MED13L: variants seen among roughly 807,000 people sequenced by gnomAD.
The protein encoded by MED13L is mediator complex subunit 13L.
MED13L carries 7 observed loss-of-function variants against 220.9 expected under a neutral mutation model. The ratio of observed to expected loss-of-function variants is 0.03; its 90% CI spans 0.02 to 0.06. MED13L has a LOEUF of 0.06. MED13L is among the 10% of genes least tolerant of loss of function. The pLI is 1.00. For missense variants in MED13L, 1,965 were observed against 2,760.5 expected, an observed-to-expected ratio of 0.71 and a Z score of 6.46; for synonymous variants, 1,011 against 1,015.2, an observed-to-expected ratio of 1.00 and a Z score of 0.08.
intron 2 of MED13L, among the ~76,000 whole-genome samples, chr12:116,149,606 A>G (rs1422825098): frequency 2.6e-5 from 4 of 152,266 alleles, no homozygotes; most frequent in African/African-American, 9.6e-5. Context: ...GAAGAGTTTT[A>G]CATTTCACCT....
chr12:116,275,520 C>T (rs1873746018), intron 1 of MED13L, among the ~76,000 whole-genome samples: 1 of 152,084 alleles, frequency 6.6e-6, no homozygotes, highest in African/African-American at 2.4e-5. Context: ...AATAAAGTAA[C>T]ACTTTCATTT....
At chr12:116,163,512 G>T (rs1879036302) in intron 2 of MED13L, among the ~76,000 whole-genome samples, 1 of 151,804 alleles carries the variant, frequency 6.6e-6, no homozygotes, top group Non-Finnish European at 1.5e-5. Context: ...TTACAGGTGT[G>T]CACCACCACA....
At chr12:116,158,303 T>C (rs1878598632) in intron 2 of MED13L, among the ~76,000 whole-genome samples, 1 of 152,186 alleles carries the variant, frequency 6.6e-6, no homozygotes, top group African/African-American at 2.4e-5. Flanking sequence ...TTTGAGGCAT[T>C]TGAAATCTAC....
At chr12:116,174,936 G>C (rs1403113653) in intron 2 of MED13L, 1 of 152,312 alleles carries the variant, frequency 6.6e-6, no homozygotes, top group Non-Finnish European at 1.5e-5. Context: ...CGGGAGCAGC[G>C]ATGCGAGCCT....
intron 5 of MED13L, among the ~76,000 whole-genome samples, chr12:116,020,261 C>A (rs754983637): frequency 6.6e-6 from 1 of 151,926 alleles, no homozygotes; most frequent in Non-Finnish European, 1.5e-5. Flanking sequence ...TTTAAAATTT[C>A]TTATTATTTA....
At chr12:116,015,395 T>C (rs1397443123) in intron 7 of MED13L, 121 bp from the exon 8 acceptor site, 1 of 1,071,036 alleles carries the variant, frequency 9.3e-7, no homozygotes, top group Non-Finnish European at 1.4e-6. Context: ...CATAGCTTTT[T>C]CCCTATCCCC....
intron 4 of MED13L, among the ~76,000 whole-genome samples, chr12:116,026,700 G>A (rs1409246164): frequency 6.6e-6 from 1 of 152,122 alleles, no homozygotes; most frequent in Non-Finnish European, 1.5e-5. Flanking sequence ...TTTTTTCTAA[G>A]ATCATGTAAA....
chr12:116,090,920 T>C (rs1023593567), intron 4 of MED13L, among the ~76,000 whole-genome samples: 1 of 151,566 alleles, frequency 6.6e-6, no homozygotes, highest in Non-Finnish European at 1.5e-5. Context: ...AGGTCAAGAG[T>C]TCGAGACTAG....
intron 2 of MED13L, among the ~76,000 whole-genome samples, chr12:116,197,069 A>G (rs539922330): frequency 8.9e-4 from 136 of 152,360 alleles, no homozygotes; most frequent in African/African-American, 3.1e-3. Flanking sequence ...CTCTCAAGAC[A>G]AAGCATACTC....
intron 2 of MED13L, among the ~76,000 whole-genome samples, chr12:116,138,927 T>C (rs1257579123): frequency 6.6e-6 from 1 of 152,194 alleles, no homozygotes; most frequent in Non-Finnish European, 1.5e-5. Context: ...AAGTGCCTAT[T>C]TGACTAGTAA....
At chr12:116,089,150 C>T (rs543616917) in intron 4 of MED13L, among the ~76,000 whole-genome samples, 1 of 152,136 alleles carries the variant, frequency 6.6e-6, no homozygotes, top group African/African-American at 2.4e-5. Flanking sequence ...AAAATATACA[C>T]TTTCCAGTTA....
intron 1 of MED13L, among the ~76,000 whole-genome samples, chr12:116,270,924 C>T (rs377542493): frequency 6.6e-6 from 1 of 151,058 alleles, no homozygotes; most frequent in South Asian, 2.1e-4. Flanking sequence ...CGCCTGTAGT[C>T]CCAGCTACTC....
chr12:116,036,163 T>A (rs1023810107), intron 4 of MED13L, among the ~76,000 whole-genome samples: 3 of 152,202 alleles, frequency 2.0e-5, no homozygotes, highest in Non-Finnish European at 2.9e-5. Flanking sequence ...GATAGATGAA[T>A]GCAGTTTCAG....
intron 4 of MED13L, among the ~76,000 whole-genome samples, chr12:116,035,488 GTATCA>G (rs1344109763): frequency 2.0e-5 from 3 of 151,968 alleles, no homozygotes; most frequent in Non-Finnish European, 4.4e-5. Flanking sequence ...CATTTATAAG[GTATCA>G]TATAACTCAC....
At chr12:116,250,025 TAAA>T (rs71095516) in intron 1 of MED13L, among the ~76,000 whole-genome samples, 8 of 40,456 alleles carry the variant, frequency 2.0e-4, no homozygotes, top group Admixed American at 3.4e-4. Flanking sequence ...CAGCATAAAC[TAAA>T]AAAAAAAAAA....
Position 116,177,548 on chromosome 12 carries a change from T to G in MED13L, c.310+59920A>C, listed in dbSNP as rs553244367. Among the ~76,000 whole-genome samples, 5 of 152,354 alleles carry G rather than the reference T, an allele frequency of 3.3e-5. No homozygotes were observed. The South Asian group carries it at 1.0e-3, about 32-fold the overall frequency. ...TGCCTTAAATCTCAGTCATTTCACA[T>G]GAAAGTTTCTCAAATAATAATGCTA... On this transcript the variant is annotated intron_variant, in intron 2 of 30. Coordinates refer to ENST00000281928, the MANE Select transcript of MED13L (RefSeq NM_015335.5).
intron 18 of MED13L, among the ~76,000 whole-genome samples, chr12:115,986,753 G>A (rs897074428): frequency 6.6e-6 from 1 of 152,164 alleles, no homozygotes; most frequent in Non-Finnish European, 1.5e-5. Context: ...TTTCCAAGCA[G>A]CACTACATCA....
At chr12:116,185,524 C>T (rs1880824577) in intron 2 of MED13L, among the ~76,000 whole-genome samples, 1 of 152,124 alleles carries the variant, frequency 6.6e-6, no homozygotes, top group Non-Finnish European at 1.5e-5. Flanking sequence ...TAACAACATG[C>T]AGAATCCAAA....
chr12:116,137,408 T>C (rs561767304), intron 2 of MED13L, among the ~76,000 whole-genome samples: 2 of 152,284 alleles, frequency 1.3e-5, no homozygotes, highest in South Asian at 2.1e-4. Flanking sequence ...ACAGGAATTA[T>C]GTAATTTTCT....
Sources: allele counts gnomAD v4.1 joint callset (sites outside exome capture counted in the v4.1 genomes callset), GRCh38; gene constraint gnomAD v4.1.1; transcripts MANE v1.5; gene names NCBI Gene and HGNC (gene_info 2026-07-23, HGNC 2026-07-21).